Variants in SUGCT observed in about 807,000 individuals in gnomAD.
The protein encoded by SUGCT is succinyl-CoA:glutarate-CoA transferase.
In SUGCT, 41 loss-of-function variants were observed where a neutral mutation model predicts 55.0. That is an observed-to-expected ratio of 0.74 (90% CI 0.58 to 0.97). SUGCT has a LOEUF of 0.97. Ranked by LOEUF, SUGCT falls within the 50% of genes least tolerant of loss-of-function variation. The pLI, the probability that SUGCT is intolerant of heterozygous loss-of-function variation, is 0.00. For synonymous variants in SUGCT, 187 were observed against 200.4 expected (o/e 0.93, Z 0.56); for missense variants, 568 against 547.8 (o/e 1.04, Z -0.37).
intron 11 of SUGCT, among the ~76,000 whole-genome samples, chr7:40,465,818 C>G (rs1044444433): frequency 6.6e-6 from 1 of 152,136 alleles, no homozygotes; most frequent in African/African-American, 2.4e-5. Flanking sequence ...TATTAAGCCA[C>G]TATGACCATT....
At chr7:40,839,361 G>A (rs1034241171) in intron 13 of SUGCT, among the ~76,000 whole-genome samples, 12 of 152,004 alleles carry the variant, frequency 7.9e-5, no homozygotes, top group African/African-American at 2.4e-4. Context: ...TCCCACCTTA[G>A]CCTCCCAAGT....
intron 12 of SUGCT, among the ~76,000 whole-genome samples, chr7:40,605,463 T>C (rs957864229): frequency 6.6e-6 from 1 of 152,242 alleles, no homozygotes; most frequent in Admixed American, 6.5e-5. Context: ...ATGTTTAACA[T>C]AGCTCTTTCT....
At chr7:40,483,400 C>G (rs918264642) in intron 11 of SUGCT, among the ~76,000 whole-genome samples, 1 of 152,162 alleles carries the variant, frequency 6.6e-6, no homozygotes, top group African/African-American at 2.4e-5. Context: ...TTATTTAACA[C>G]TTATATAGCA....
intron 6 of SUGCT, among the ~76,000 whole-genome samples, chr7:40,223,044 T>C (rs949247584): frequency 1.4e-5 from 2 of 148,140 alleles, no homozygotes; most frequent in Non-Finnish European, 1.5e-5. Context: ...CTTCCTTCCA[T>C]CCATCCACCC....
chr7:41,020,129 G>A, the SUGCT span, among the ~76,000 whole-genome samples: 1 of 152,116 alleles, frequency 6.6e-6, no homozygotes, highest in African/African-American at 2.4e-5. Context: ...CTTACTTTCT[G>A]GAACTTATCT....
At chr7:40,906,877 C>T in the SUGCT span, among the ~76,000 whole-genome samples, 24 of 152,194 alleles carry the variant, frequency 1.6e-4, no homozygotes, top group African/African-American at 5.3e-4. Context: ...TTTTTAAGAA[C>T]GCTCTATAAC....
At chr7:40,764,696 A>G (rs768518381) in intron 13 of SUGCT, among the ~76,000 whole-genome samples, 19 of 152,180 alleles carry the variant, frequency 1.2e-4, no homozygotes, top group Non-Finnish European at 2.6e-4. Flanking sequence ...AATGAAGCTT[A>G]ATTGGGGCTG....
At chr7:40,676,499 TTTTTG>T in intron 12 of SUGCT, among the ~76,000 whole-genome samples, 1 of 135,144 alleles carries the variant, frequency 7.4e-6, no homozygotes. Flanking sequence ...GCGGTTTTGT[TTTTTG>T]TTTTTTTTTT....
chr7:40,316,708 G>A (rs1340662635), intron 8 of SUGCT, 52 bp from the exon 9 acceptor site: 2 of 1,184,928 alleles, frequency 1.7e-6, no homozygotes, highest in East Asian at 2.6e-5. Flanking sequence ...CTCTTTATGA[G>A]TATAGATAAA....
At chr7:40,468,723 G>A (rs1372138081) in intron 11 of SUGCT, among the ~76,000 whole-genome samples, 1 of 152,062 alleles carries the variant, frequency 6.6e-6, no homozygotes, top group African/African-American at 2.4e-5. Context: ...AAGATTTTGT[G>A]GGGGAGTGGG....
rs186418732 is a variant in SUGCT at position 40,493,168 on chromosome 7, A to C, written c.987-3116A>C. Among the ~76,000 whole-genome samples, 20 of 152,332 alleles carry C rather than the reference A, an allele frequency of 1.3e-4. 1 individual carries two copies. The East Asian group carries it at 3.5e-3, about 26-fold the overall frequency. Reference sequence around the variant, plus strand: ...TTAGAACGTGGTTTTGGAGTTAAGCAGTCTCAGCTTTAAACATGACATCTG... The same window carrying C: ...TTAGAACGTGGTTTTGGAGTTAAGCCGTCTCAGCTTTAAACATGACATCTG... On this transcript the variant is annotated intron_variant, in intron 11 of 13. Coordinates refer to ENST00000335693, the MANE Select transcript of SUGCT (RefSeq NM_001193313.2).
Position 40,339,575 on chromosome 7 carries a change from G to A in SUGCT, c.816+22720G>A, listed in dbSNP as rs144812634. Among the ~76,000 whole-genome samples, 510 of 152,270 alleles carry A rather than the reference G, an allele frequency of 3.3e-3. 3 individuals are homozygous for A. Among genetic ancestry groups the A allele is most frequent in the African/African-American group, 0.011 (465 of 41,560 alleles). ...GTGGGATATAATCTCCTGGTGTGCC[G>A]TTTGCTAAGACCATTGGAGAAGTGC... On this transcript the variant is annotated intron_variant, in intron 9 of 13. Transcript: ENST00000335693.
At chr7:40,834,860 G>A (rs574977319) in intron 13 of SUGCT, among the ~76,000 whole-genome samples, 43 of 152,298 alleles carry the variant, frequency 2.8e-4, no homozygotes, top group Middle Eastern at 3.4e-3. Context: ...TGTAACAAGT[G>A]TTTTGACAGG....
At chr7:40,664,232 A>G (rs980733937) in intron 12 of SUGCT, among the ~76,000 whole-genome samples, 1 of 152,214 alleles carries the variant, frequency 6.6e-6, no homozygotes, top group African/African-American at 2.4e-5. Context: ...TGGCAAACCA[A>G]TGTAACACTG....
the SUGCT span, among the ~76,000 whole-genome samples, chr7:40,910,485 T>G: frequency 6.6e-6 from 1 of 152,174 alleles, no homozygotes; most frequent in Non-Finnish European, 1.5e-5. Context: ...AGCTTGAAAG[T>G]TGATCCATGC....
intron 9 of SUGCT, among the ~76,000 whole-genome samples, chr7:40,338,799 A>G (rs1050321603): frequency 2.0e-5 from 3 of 152,180 alleles, no homozygotes; most frequent in Non-Finnish European, 4.4e-5. Context: ...AAGGAGCTGC[A>G]TTCCTTTGTA....
chr7:40,283,219 ATTTC>A (rs1359704914), intron 8 of SUGCT, among the ~76,000 whole-genome samples: 1 of 151,130 alleles, frequency 6.6e-6, no homozygotes, highest in African/African-American at 2.4e-5. Context: ...CTGAATAGAC[ATTTC>A]TTTCTTTTTC....
intron 9 of SUGCT, among the ~76,000 whole-genome samples, chr7:40,414,545 T>C (rs539910263): frequency 3.4e-4 from 52 of 152,172 alleles, no homozygotes; most frequent in African/African-American, 1.2e-3. Context: ...TTAACAACAA[T>C]GTATCAAAGT....
chr7:40,861,070 T>C (rs1453418262), downstream of SUGCT, among the ~76,000 whole-genome samples: 2 of 152,174 alleles, frequency 1.3e-5, no homozygotes, highest in African/African-American at 4.8e-5. Context: ...CATTCTCCCC[T>C]GTGGGGGTAA....
Sources: gnomAD v4.1 joint callset for allele counts (sites outside exome capture counted in the v4.1 genomes callset) on GRCh38, gnomAD v4.1.1 for gene constraint, MANE v1.5 for transcripts, NCBI Gene and HGNC (gene_info 2026-07-23, HGNC 2026-07-21) for gene names.